Variants in KRT18 observed in about 807,000 individuals in gnomAD.
KRT18 encodes keratin 18.
Under a neutral mutation model 39.9 loss-of-function variants are expected in KRT18, and 8 were observed. That is an observed-to-expected ratio of 0.20 (90% CI 0.12 to 0.36). KRT18 has a LOEUF of 0.36. Among genes scored for constraint, KRT18 ranks in the 10% least tolerant of loss-of-function variants. The pLI, the probability that KRT18 is intolerant of heterozygous loss-of-function variation, is 1.00. For missense variants in KRT18, 396 were observed against 565.7 expected, an observed-to-expected ratio of 0.70 and a Z score of 3.04; for synonymous variants, 194 against 227.8, an observed-to-expected ratio of 0.85 and a Z score of 1.33.
intron 1 of KRT18, 184 bp from the exon 2 acceptor site, chr12:52,950,144 G>C (rs765050859): frequency 1.4e-6 from 1 of 715,818 alleles, no homozygotes; most frequent in Non-Finnish European, 2.5e-6. Context: ...GCTGGGATCT[G>C]GGAATCCAGG....
Position 52,951,571 on chromosome 12 carries a change from G to A in KRT18, c.748G>A (p.Ala250Thr), listed in dbSNP as rs778646111. The stretch of plus-strand genomic sequence containing the variant: ...ATCTCAGGACCTCGCCAAGATCATG[G>A]CAGACATCCGGGCCCAATATGACGA... ...PKSQDLAKIM[A>T]DIRAQYDELA... Residue 250 changes from alanine to threonine, a missense_variant, in exon 4 of 7, where the codon GCA becomes ACA. By Grantham distance (58) the Ala-to-Thr change is moderately conservative. Coordinates refer to ENST00000388835, the MANE Select transcript of KRT18 (RefSeq NM_000224.3). 1 of 1,614,130 alleles carries A rather than the reference G, an allele frequency of 6.2e-7. No homozygotes were observed.
At position 52,952,724 on chromosome 12, in the gene KRT18, T is replaced by C; in HGVS notation, c.1175T>C (p.Leu392Pro). The C allele has an allele frequency of 6.2e-7, 1 of 1,612,710 alleles. No homozygotes were observed. The change falls in exon 7 of 7, where the codon CTT becomes CCT. Residue 392 changes from leucine to proline, a missense_variant and splice_region_variant. Leu to Pro is a moderately conservative substitution (Grantham distance 98). Coordinates refer to ENST00000388835, the MANE Select transcript of KRT18 (RefSeq NM_000224.3). Reference sequence around the variant, plus strand: ...TTGGGCTTGGTCTTCTGTTACAGTCTTGGTGATGCCTTGGACAGCAGCAAC... The same window carrying C: ...TTGGGCTTGGTCTTCTGTTACAGTCCTGGTGATGCCTTGGACAGCAGCAAC... ...RLLEDGEDFN[L>P]GDALDSSNSM...
Position 52,950,736 on chromosome 12 carries a change from C to A in KRT18, c.501-14C>A, listed in dbSNP as rs755149796. ...CAGAGATAGGGGCCCCTCTGATCAC[C>A]TCCACTCCTATAGGTATGAGACAGA... On this transcript the variant is annotated splice_polypyrimidine_tract_variant and intron_variant, in intron 2 of 6. Coordinates refer to ENST00000388835, the MANE Select transcript of KRT18 (RefSeq NM_000224.3). 3 of 1,608,224 alleles carry A rather than the reference C, an allele frequency of 1.9e-6. No individual in the cohort carries two copies. The highest frequency in any genetic ancestry group is 2.5e-6 in the Non-Finnish European group (3 of 1,178,098).
chr12:52,952,156 C>T lies in KRT18; in HGVS notation c.986C>T (p.Ala329Val), dbSNP rs1194423970. 1 of 1,571,324 alleles carries T rather than the reference C, an allele frequency of 6.4e-7. No homozygotes were observed. Among genetic ancestry groups the T allele is most frequent in the Admixed American group, 1.9e-5 (1 of 52,952 alleles). The change falls in exon 6 of 7, where the codon GCC (alanine) becomes GTC (valine). Residue 329 changes from alanine to valine, a missense_variant. Transcript: ENST00000388835. ...SLENSLREVEARYALQMEQLN... is the reference protein window; with the variant it reads ...SLENSLREVEVRYALQMEQLN... ...GAGAACAGCCTGAGGGAGGTGGAGG[C>T]CCGCTACGCCCTACAGATGGAGCAG...
rs937104022 is a variant in KRT18, at chr12:52,952,636, G to A, written c.1173-86G>A. ...GGGTGATTTGGAGATAAAGGTAGAG[G>A]TCAGGAGGCTTTTTCCCTCTACCTT... On this transcript the variant is annotated intron_variant, in intron 6 of 6. Coordinates refer to ENST00000388835, the MANE Select transcript of KRT18 (RefSeq NM_000224.3). The A allele has an allele frequency of 4.2e-6, 6 of 1,431,632 alleles. No individual in the cohort carries two copies. The African/African-American group carries it at 1.3e-4, about 31-fold the overall frequency. The allele number at this position is 1,431,632 out of a possible 1,614,324, so 88.7% of individuals were successfully genotyped here.
chr12:52,950,517 G>A, intron 2 of KRT18, 107 bp downstream of exon 2: 1 of 888,228 alleles, frequency 1.1e-6, no homozygotes, highest in South Asian at 1.3e-5. Flanking sequence ...GTTAGGTGTG[G>A]GTGGATGAGA....
At position 52,949,476 on chromosome 12, in the gene KRT18, G is replaced by A. The variant is rs1353991168; in HGVS notation, c.303G>A (p.Leu101=). ...LASYLDRVRS[L]ETENRRLESK... ...CTTACCTGGACAGAGTGAGGAGCCT[G>A]GAGACCGAGAACCGGAGGCTGGAGA... Residue 101 remains leucine, a synonymous_variant, in exon 1 of 7, where the codon CTG becomes CTA. Coordinates refer to ENST00000388835, the MANE Select transcript of KRT18 (RefSeq NM_000224.3). 2.5e-6 allele frequency: 4 copies of A among 1,613,514 alleles called. No individual in the cohort carries two copies. The highest frequency in any genetic ancestry group is 3.4e-6 in the Non-Finnish European group (4 of 1,180,040).
Position 52,952,643 on chromosome 12 carries a change from G to C in KRT18, c.1173-79G>C. On this transcript the variant is annotated intron_variant, in intron 6 of 6. Transcript: ENST00000388835. ...TTGGAGATAAAGGTAGAGGTCAGGA[G>C]GCTTTTTCCCTCTACCTTTCTTGTC... 3 of 1,512,584 alleles carry C rather than the reference G, an allele frequency of 2.0e-6. No individual in the cohort carries two copies. In the South Asian group the frequency reaches 3.4e-5, roughly 17 times the overall value. 93.7% of individuals were successfully genotyped at this position (1,512,584 alleles called of 1,614,324 possible).
chr12:52,949,166 C>T lies in KRT18; in HGVS notation c.-8C>T. 9.3e-6 allele frequency: 15 copies of T among 1,610,798 alleles called. No homozygotes were observed. Among genetic ancestry groups the T allele is most frequent in the Non-Finnish European group, 1.3e-5 (15 of 1,178,998 alleles). On this transcript the variant is annotated 5_prime_UTR_variant, in exon 1 of 7. Coordinates refer to ENST00000388835, the MANE Select transcript of KRT18 (RefSeq NM_000224.3). ...CTGAGTCCTGTCCTTTCTCTCTCCCCGGACAGCATGAGCTTCACCACTCGC... is the reference window on the plus strand; with the variant it reads ...CTGAGTCCTGTCCTTTCTCTCTCCCTGGACAGCATGAGCTTCACCACTCGC...
intron 2 of KRT18, 35 bp from the exon 3 acceptor site, chr12:52,950,715 G>C: frequency 6.3e-7 from 1 of 1,599,966 alleles, no homozygotes; most frequent in Non-Finnish European, 8.5e-7. Context: ...CTGGATCAGA[G>C]ATAGGGGCCC....
At chr12:52,950,264 A>G in intron 1 of KRT18, 64 bp from the exon 2 acceptor site, 1 of 1,174,326 alleles carries the variant, frequency 8.5e-7, no homozygotes. Flanking sequence ...CACTTTTTAC[A>G]CACTCACCCC....
intron 1 of KRT18, chr12:52,949,920 G>T (rs1942449789): frequency 1.5e-6 from 1 of 651,308 alleles, no homozygotes; most frequent in Non-Finnish European, 2.8e-6. Context: ...AGGGTTAAGC[G>T]GATGTGGCTA....
chr12:52,949,088 G>T (rs7978102), upstream of KRT18: 339 of 1,278,422 alleles, frequency 2.7e-4, no homozygotes, highest in African/African-American at 2.6e-3. Flanking sequence ...CTCACTCTGC[G>T]ATATAACTCG....
chr12:52,950,101 C>G, intron 1 of KRT18: 2 of 653,150 alleles, frequency 3.1e-6, no homozygotes, highest in South Asian at 3.5e-5. Context: ...GCCAGCTAGC[C>G]AGCCTGCTGA....
rs1394097674 is a variant in KRT18, at chr12:52,949,899, G to C, written c.417+309G>C. 3 of 673,658 alleles carry C rather than the reference G, an allele frequency of 4.5e-6. No individual in the cohort carries two copies. In the African/African-American group the frequency reaches 5.3e-5, roughly 12 times the overall value. 41.7% of individuals were successfully genotyped at this position (673,658 alleles called of 1,614,324 possible). On this transcript the variant is annotated intron_variant, in intron 1 of 6. Coordinates refer to ENST00000388835, the MANE Select transcript of KRT18 (RefSeq NM_000224.3). ...AGGAGACACTGGCTCTGGCGGAATG[G>C]GGACTATTGGAGGGTTAAGCGGATG...
rs1942410477 is a variant in KRT18, at chr12:52,949,140, C to T, written c.-34C>T. The T allele has an allele frequency of 2.5e-6, 4 of 1,601,208 alleles. No individual in the cohort carries two copies. The highest frequency in any genetic ancestry group is 4.5e-5 in the East Asian group (2 of 44,812). Reference sequence around the variant, plus strand: ...CAGGCCGCCACCGTCGTCCGCAAAGCCTGAGTCCTGTCCTTTCTCTCTCCC... The same window carrying T: ...CAGGCCGCCACCGTCGTCCGCAAAGTCTGAGTCCTGTCCTTTCTCTCTCCC... On this transcript the variant is annotated 5_prime_UTR_variant, in exon 1 of 7. Coordinates refer to ENST00000388835, the MANE Select transcript of KRT18 (RefSeq NM_000224.3).
At chr12:52,949,105 G>A, upstream of KRT18, 12 of 1,355,094 alleles carry the variant, frequency 8.9e-6, no homozygotes, top group Non-Finnish European at 1.2e-5. Flanking sequence ...CTCGGGTCGC[G>A]CGGCTCGCGC....
Position 52,949,485 on chromosome 12 carries a change from G to C in KRT18, c.312G>C (p.Glu104Asp), listed in dbSNP as rs1164534748. 5.0e-6 allele frequency: 8 copies of C among 1,613,554 alleles called. No individual in the cohort carries two copies. Among genetic ancestry groups the C allele is most frequent in the Non-Finnish European group, 6.8e-6 (8 of 1,180,028 alleles). Residue 104 changes from glutamate to aspartate, a missense_variant, in exon 1 of 7, where the codon GAG becomes GAC. By Grantham distance (45) the Glu-to-Asp change is conservative (BLOSUM62 2). Transcript: ENST00000388835. ...ACAGAGTGAGGAGCCTGGAGACCGA[G>C]AACCGGAGGCTGGAGAGCAAAATCC... ...YLDRVRSLET[E>D]NRRLESKIRE...
In KRT18 at chr12:52,949,273, A is replaced by G; in HGVS notation, c.100A>G (p.Ser34Gly). 1 of 1,611,052 alleles carries G rather than the reference A, an allele frequency of 6.2e-7. No individual in the cohort carries two copies. Among genetic ancestry groups the G allele is most frequent in the Non-Finnish European group, 8.5e-7 (1 of 1,179,848 alleles). ...YGARPVSSAA[S>G]VYAGAGGSGS... ...CGCCCGGCCGGTCAGCAGCGCGGCC[A>G]GCGTCTATGCAGGCGCTGGGGGCTC... The change falls in exon 1 of 7, where the codon AGC (serine) becomes GGC (glycine). Residue 34 changes from serine (S) to glycine (G), a missense_variant. Transcript: ENST00000388835.
Sources: allele counts gnomAD v4.1 joint callset, GRCh38; gene constraint gnomAD v4.1.1; transcripts MANE v1.5; gene names NCBI Gene and HGNC (gene_info 2026-07-23, HGNC 2026-07-21).